The following USP40 variants were observed in gnomAD, a reference collection of about 807,000 sequenced individuals.
USP40 encodes ubiquitin specific peptidase 40.
In USP40, 143 loss-of-function variants were observed where a neutral mutation model predicts 166.2. That is an observed-to-expected ratio of 0.86 (90% CI 0.75 to 0.99). The LOEUF (loss-of-function observed/expected upper bound fraction) is 0.99. Ranked by LOEUF, USP40 falls within the 50% of genes least tolerant of loss-of-function variation. The probability of loss-of-function intolerance (pLI) is 0.00; values close to 1 mark genes in which losing one functional copy is unlikely to be tolerated. For missense variants in USP40, 1,444 were observed against 1,479.7 expected (o/e 0.98, Z 0.40); for synonymous variants, 498 against 524.0 (o/e 0.95, Z 0.68).
At chr2:233,479,559 C>T (rs1014124274) in intron 31 of USP40, among the ~76,000 whole-genome samples, 12 of 133,002 alleles carry the variant, frequency 9.0e-5, no homozygotes, top group Admixed American at 3.0e-4. Context: ...GGGACTCCGT[C>T]GCAAAAAAAA....
chr2:233,535,625 A>G (rs2068877656), intron 10 of USP40, among the ~76,000 whole-genome samples: 1 of 152,198 alleles, frequency 6.6e-6, no homozygotes, highest in Admixed American at 6.5e-5. Context: ...CACAGAATCT[A>G]AAAGACTCAA....
chr2:233,510,812 C>T (rs759459735), intron 20 of USP40, among the ~76,000 whole-genome samples: 2 of 152,120 alleles, frequency 1.3e-5, no homozygotes, highest in Non-Finnish European at 2.9e-5. Context: ...TTCTGAGTCA[C>T]TTGGTTATGA....
At chr2:233,532,875 TG>T (rs2068651448) in intron 11 of USP40, among the ~76,000 whole-genome samples, 2 of 151,886 alleles carry the variant, frequency 1.3e-5, no homozygotes, top group South Asian at 4.2e-4. Flanking sequence ...GAGGCTGCAG[TG>T]AACAATCATG....
At chr2:233,557,702 T>A (rs1434078297) in intron 4 of USP40, among the ~76,000 whole-genome samples, 4 of 151,818 alleles carry the variant, frequency 2.6e-5, no homozygotes, top group African/African-American at 7.3e-5. Flanking sequence ...GGGTGGTGAG[T>A]GCTGCTGAGA....
At chr2:233,536,507 T>C (rs1354451814) in intron 10 of USP40, among the ~76,000 whole-genome samples, 1 of 152,134 alleles carries the variant, frequency 6.6e-6, no homozygotes, top group Non-Finnish European at 1.5e-5. Context: ...AAGAATTAGC[T>C]GGGTATGGTG....
chr2:233,539,545 G>A (rs1413069689), intron 10 of USP40, among the ~76,000 whole-genome samples: 2 of 151,996 alleles, frequency 1.3e-5, no homozygotes, highest in Non-Finnish European at 2.9e-5. Context: ...AAAAATAAGA[G>A]AAATTAGAAA....
At chr2:233,485,374 G>A (rs2064878393) in intron 30 of USP40, among the ~76,000 whole-genome samples, 157 bp downstream of exon 30, 2 of 152,202 alleles carry the variant, frequency 1.3e-5, no homozygotes, top group Admixed American at 1.3e-4. Flanking sequence ...GCCTTGTAAA[G>A]TCAGTTGTCC....
At chr2:233,556,621 A>G in intron 5 of USP40, 1 of 265,498 alleles carries the variant, frequency 3.8e-6, no homozygotes, top group Non-Finnish European at 6.9e-6. Context: ...CTATTTTCCA[A>G]ATATTAGGGT....
chr2:233,524,452 C>A (rs1345010712), intron 15 of USP40, 40 bp downstream of exon 15: 1 of 1,571,006 alleles, frequency 6.4e-7, no homozygotes, highest in Non-Finnish European at 8.7e-7. Flanking sequence ...TTTAAAACAT[C>A]CAAAATTATC....
intron 10 of USP40, among the ~76,000 whole-genome samples, chr2:233,535,162 C>A (rs2068847629): frequency 6.6e-6 from 1 of 152,094 alleles, no homozygotes; most frequent in Non-Finnish European, 1.5e-5. Flanking sequence ...GAAGGAGCCC[C>A]AATTCTGTAA....
At chr2:233,565,807 G>C (rs571809076) in intron 1 of USP40, among the ~76,000 whole-genome samples, 17 of 152,198 alleles carry the variant, frequency 1.1e-4, no homozygotes, top group African/African-American at 3.1e-4. Context: ...GTGTAAAATA[G>C]GATACCATCT....
intron 17 of USP40, 67 bp downstream of exon 17, chr2:233,520,924 T>C (rs1309672902): frequency 2.6e-6 from 4 of 1,535,684 alleles, no homozygotes; most frequent in South Asian, 2.5e-5. Context: ...GATTAAGGTA[T>C]TGTTTTCTAA....
At chr2:233,512,055 A>C (rs780856046) in intron 19 of USP40, 4 of 326,070 alleles carry the variant, frequency 1.2e-5, no homozygotes, top group Non-Finnish European at 2.2e-5. Flanking sequence ...TACTTAATAA[A>C]AATGACTTGT....
chr2:233,516,704 A>G (rs1357039030), intron 18 of USP40, among the ~76,000 whole-genome samples: 1 of 151,188 alleles, frequency 6.6e-6, no homozygotes, highest in Non-Finnish European at 1.5e-5. Context: ...AAAAAAAAAG[A>G]AAAATTAGCT....
chr2:233,493,294 A>G lies in USP40; in HGVS notation c.2917+131T>C, dbSNP rs1225341870. 1.2e-5 allele frequency: 16 copies of G among 1,297,574 alleles called. No homozygotes were observed. The highest frequency in any genetic ancestry group is 1.7e-5 in the Non-Finnish European group (16 of 932,076). 80.4% of individuals were successfully genotyped at this position (1,297,574 alleles called of 1,614,324 possible). ...TATGTGATGTCTGGAATGACTTATG[A>G]AATTAATAGGTCTTGATTTTCAAGA... On this transcript the variant is annotated intron_variant, in intron 25 of 31. Transcript: ENST00000678225. The surrounding 1 kb of genome is among the most constrained non-coding windows in gnomAD (Gnocchi z 4.7).
chr2:233,550,694 C>A (rs2070469845), intron 7 of USP40, among the ~76,000 whole-genome samples: 1 of 152,076 alleles, frequency 6.6e-6, no homozygotes, highest in African/African-American at 2.4e-5. Context: ...TCTTTTCACC[C>A]AGACCTTGGT....
chr2:233,561,182 T>A lies in USP40; in HGVS notation c.268-1258A>T, dbSNP rs747053337. The A allele has an allele frequency of 8.9e-6, 14 of 1,580,744 alleles. 1 individual carries two copies. In the South Asian group the frequency reaches 1.6e-4, roughly 18 times the overall value. ...TACCTTTGCATCGGGTTTATCCTTA[T>A]CTTCAAACAAACCAAGCTCTTCTGG... On this transcript the variant is annotated intron_variant, in intron 3 of 31. Coordinates refer to ENST00000678225, the MANE Select transcript of USP40 (RefSeq NM_001365479.2).
At chr2:233,516,263 T>C (rs909809066) in intron 18 of USP40, among the ~76,000 whole-genome samples, 2 of 152,190 alleles carry the variant, frequency 1.3e-5, no homozygotes, top group African/African-American at 4.8e-5. Flanking sequence ...TTTTCAAAAG[T>C]GTTATGGCCA....
At chr2:233,496,695 T>A in intron 24 of USP40, 63 bp downstream of exon 24, 1 of 1,412,948 alleles carries the variant, frequency 7.1e-7, no homozygotes, top group African/African-American at 1.4e-5. Flanking sequence ...TGAGGCTGTA[T>A]CATCTCTGTA....
Sources: allele counts gnomAD v4.1 joint callset (sites outside exome capture counted in the v4.1 genomes callset), GRCh38; gene constraint gnomAD v4.1.1; non-coding constraint Gnocchi (gnomAD v3.1); transcripts MANE v1.5; gene names NCBI Gene and HGNC (gene_info 2026-07-23, HGNC 2026-07-21).